Variants in RBPMS2 observed in about 807,000 individuals in gnomAD.
RBPMS2 encodes the protein RNA-binding protein with multiple splicing 2.
RBPMS2 carries 14 observed loss-of-function variants against 25.7 expected under a neutral mutation model. That is an observed-to-expected ratio of 0.55 (90% confidence interval 0.36 to 0.85). The LOEUF is 0.85. Among genes scored for constraint, RBPMS2 ranks in the 40% least tolerant of loss-of-function variants. RBPMS2 has a pLI of 0.01. For synonymous variants in RBPMS2, 127 were observed against 115.6 expected, an observed-to-expected ratio of 1.10 and a Z score of -0.63; for missense variants, 252 against 283.4, an observed-to-expected ratio of 0.89 and a Z score of 0.80.
In RBPMS2 at chr15:64,743,772, G is replaced by A. The variant is rs373669387; in HGVS notation, c.568-2530C>T. Among the ~76,000 whole-genome samples the A allele has an allele frequency of 6.4e-4, 97 of 152,282 alleles. 1 individual carries two copies. In the South Asian group the frequency reaches 0.019, roughly 29 times the overall value. ...GATCCTGGGACTGACCAGTTGAGAAGATACACCAGAAAGCAAGCAACGGGA... is the reference window on the plus strand; with the variant it reads ...GATCCTGGGACTGACCAGTTGAGAAAATACACCAGAAAGCAAGCAACGGGA... On this transcript the variant is annotated intron_variant, in intron 6 of 7. Transcript: ENST00000300069.
chr15:64,756,439 C>T (rs1410531980), intron 1 of RBPMS2, among the ~76,000 whole-genome samples: 1 of 151,456 alleles, frequency 6.6e-6, no homozygotes, highest in Non-Finnish European at 1.5e-5. Flanking sequence ...CCCCTGAACC[C>T]TGGAGAGATG....
chr15:64,756,712 G>C (rs1280086973), intron 1 of RBPMS2, among the ~76,000 whole-genome samples: 1 of 147,260 alleles, frequency 6.8e-6, no homozygotes, highest in Non-Finnish European at 1.5e-5. Context: ...CACAAACTCT[G>C]CTCACTGCAA....
chr15:64,774,686 A>T (rs2083915346), intron 1 of RBPMS2, among the ~76,000 whole-genome samples: 1 of 146,456 alleles, frequency 6.8e-6, no homozygotes, highest in Non-Finnish European at 1.5e-5. Flanking sequence ...TGGGGCTGTG[A>T]AGAAAGCCCG....
At chr15:64,751,748 C>T in intron 1 of RBPMS2, 110 bp from the exon 2 acceptor site, 1 of 851,306 alleles carries the variant, frequency 1.2e-6, no homozygotes, top group Non-Finnish European at 1.9e-6. Context: ...TAGAGGAATT[C>T]AGCCTTTCCT....
At chr15:64,761,288 T>TCCCACATCCTTC (rs1244120347) in intron 1 of RBPMS2, 1 of 152,114 alleles carries the variant, frequency 6.6e-6, no homozygotes, top group African/African-American at 2.4e-5. Context: ...TATAAGCCCC[T>TCCCACATCCTTC]CCCACATCCT....
intron 1 of RBPMS2, among the ~76,000 whole-genome samples, chr15:64,771,002 C>A (rs1191176094): frequency 6.6e-6 from 1 of 152,180 alleles, no homozygotes; most frequent in Non-Finnish European, 1.5e-5. Flanking sequence ...CAAAGCCCCT[C>A]AGGTCAAACT....
chr15:64,775,156 C>G (rs2083921216), intron 1 of RBPMS2, 77 bp downstream of exon 1: 1 of 809,104 alleles, frequency 1.2e-6, no homozygotes, highest in Non-Finnish European at 1.6e-6. Flanking sequence ...CCGCGAGGCG[C>G]GGCAGGCCCC....
At chr15:64,742,827 G>A (rs960510694) in intron 6 of RBPMS2, among the ~76,000 whole-genome samples, 3 of 152,204 alleles carry the variant, frequency 2.0e-5, no homozygotes, top group Non-Finnish European at 4.4e-5. Flanking sequence ...TGGCTGCTGG[G>A]AACTCCTGCT....
At chr15:64,749,521 A>G (rs778932712) in intron 3 of RBPMS2, 28 bp from the exon 4 acceptor site, 5 of 1,580,206 alleles carry the variant, frequency 3.2e-6, no homozygotes, top group Admixed American at 3.5e-5. Context: ...GAACACCCTT[A>G]TATCTCTCCT....
chr15:64,767,414 C>A (rs2083856787), intron 1 of RBPMS2, among the ~76,000 whole-genome samples: 1 of 152,210 alleles, frequency 6.6e-6, no homozygotes, highest in Non-Finnish European at 1.5e-5. Flanking sequence ...ATAACCAATG[C>A]CAGAGCAGAT....
intron 1 of RBPMS2, among the ~76,000 whole-genome samples, chr15:64,769,815 G>A (rs1334120756): frequency 3.9e-5 from 6 of 152,314 alleles, no homozygotes; most frequent in Middle Eastern, 3.4e-3. Context: ...CCAGCCCAAA[G>A]GAAACTAGTC....
chr15:64,761,533 G>A (rs1318763563), intron 1 of RBPMS2, among the ~76,000 whole-genome samples: 1 of 152,230 alleles, frequency 6.6e-6, no homozygotes, highest in African/African-American at 2.4e-5. Context: ...AGGTACCCAG[G>A]AACAACTGGC....
At chr15:64,757,688 G>T (rs2083746084) in intron 1 of RBPMS2, among the ~76,000 whole-genome samples, 1 of 152,180 alleles carries the variant, frequency 6.6e-6, no homozygotes, top group Non-Finnish European at 1.5e-5. Flanking sequence ...CCAAGGTCCA[G>T]CCAACTAGTC....
At chr15:64,756,479 T>G (rs970846925) in intron 1 of RBPMS2, among the ~76,000 whole-genome samples, 1 of 149,744 alleles carries the variant, frequency 6.7e-6, no homozygotes, top group African/African-American at 2.5e-5. Context: ...ATCATACCAT[T>G]GCACTCCATC....
intron 6 of RBPMS2, among the ~76,000 whole-genome samples, chr15:64,743,416 G>C (rs986393776): frequency 6.6e-6 from 1 of 152,260 alleles, no homozygotes; most frequent in African/African-American, 2.4e-5. Flanking sequence ...CCCATATTTG[G>C]GCTTGGGACA....
At position 64,771,287 on chromosome 15, in the gene RBPMS2, C is replaced by T. The variant is rs563954427; in HGVS notation, c.87+3946G>A. Among the ~76,000 whole-genome samples the T allele has an allele frequency of 7.9e-4, 121 of 152,320 alleles. 2 individuals carry two copies. The South Asian group carries it at 0.013, about 16-fold the overall frequency. ...ACTATAACTTAGTATCACCTCGTAC[C>T]GTTTAGTTGTCCCTCGATATCTGAG... On this transcript the variant is annotated intron_variant, in intron 1 of 7. Transcript: ENST00000300069.
intron 1 of RBPMS2, among the ~76,000 whole-genome samples, chr15:64,757,239 G>A (rs2083740970): frequency 1.3e-5 from 2 of 149,712 alleles, no homozygotes; most frequent in Non-Finnish European, 3.0e-5. Flanking sequence ...CCCCAAAGTG[G>A]TGGAATTACA....
intron 1 of RBPMS2, among the ~76,000 whole-genome samples, chr15:64,768,790 C>T (rs1475092457): frequency 5.1e-5 from 5 of 97,698 alleles, no homozygotes; most frequent in South Asian, 3.2e-4. Context: ...ACAGAGACCC[C>T]GTCTATAAAA....
chr15:64,750,269 G>A, intron 3 of RBPMS2, 74 bp downstream of exon 3: 1 of 1,300,740 alleles, frequency 7.7e-7, no homozygotes, highest in Non-Finnish European at 1.1e-6. Flanking sequence ...ATTAGGGAAG[G>A]GTTAACGGGC....
Sources: allele counts gnomAD v4.1 joint callset (sites outside exome capture counted in the v4.1 genomes callset), GRCh38; gene constraint gnomAD v4.1.1; transcripts MANE v1.5; gene names NCBI Gene and HGNC (gene_info 2026-07-23, HGNC 2026-07-21).